ATOX1: variants seen among roughly 807,000 people sequenced by gnomAD.
ATOX1 encodes copper transport protein ATOX1.
Under a neutral mutation model 7.3 loss-of-function variants are expected in ATOX1, and 4 were observed. The observed-to-expected ratio is 0.55, with a 90% confidence interval of 0.27 to 1.25. The LOEUF is 1.25. Among genes scored for constraint, ATOX1 ranks in the 50% most tolerant of loss-of-function variants. The pLI, the probability that ATOX1 is intolerant of heterozygous loss-of-function variation, is 0.12. For missense variants in ATOX1, 68 were observed against 81.6 expected (o/e 0.83, Z 0.64); for synonymous variants, 25 against 28.7 (o/e 0.87, Z 0.41).
At chr5:151,757,544 G>C (rs562400625) in intron 1 of ATOX1, among the ~76,000 whole-genome samples, 1 of 152,348 alleles carries the variant, frequency 6.6e-6, no homozygotes, top group East Asian at 1.9e-4. Context: ...GCTCCCTAAA[G>C]ACAGGATGCA....
At chr5:151,747,296 T>C (rs1302588583) in intron 2 of ATOX1, among the ~76,000 whole-genome samples, 2 of 152,020 alleles carry the variant, frequency 1.3e-5, no homozygotes, top group African/African-American at 2.4e-5. Context: ...TATTTATTTA[T>C]TTATTTAGAG....
intron 1 of ATOX1, 191 bp from the exon 2 acceptor site, chr5:151,751,970 T>A (rs753145473): frequency 1.2e-5 from 7 of 607,066 alleles, no homozygotes; most frequent in Non-Finnish European, 1.8e-5. Context: ...AGTTTCTACC[T>A]CACAAGTTGT....
chr5:151,756,634 G>A lies in ATOX1; in HGVS notation c.6+1912C>T, dbSNP rs139456508. 7.2e-5 allele frequency among the ~76,000 whole-genome samples: 11 copies of A among 152,120 alleles called. No homozygotes were observed. In the East Asian group the frequency reaches 1.7e-3, roughly 24 times the overall value. On this transcript the variant is annotated intron_variant, in intron 1 of 3. Transcript: ENST00000313115. Reference sequence around the variant, plus strand: ...ACTATAGGCACGGGCCACCACGTCTGGCTAATTTTTTGTATTTTTTGTAGA... The same window carrying A: ...ACTATAGGCACGGGCCACCACGTCTAGCTAATTTTTTGTATTTTTTGTAGA...
At chr5:151,752,900 G>A (rs1481266940) in intron 1 of ATOX1, among the ~76,000 whole-genome samples, 7 of 152,038 alleles carry the variant, frequency 4.6e-5, no homozygotes. Flanking sequence ...CTCTGCCTCT[G>A]GTATTTATGC....
Position 151,758,599 on chromosome 5 carries a change from G to C in ATOX1, c.-48C>G, listed in dbSNP as rs1327053957. Reference sequence around the variant, plus strand: ...CGGCGGTGTGGCGGCGGTGTCAGCAGCGCCTCTCTGGATTCGGAGGGCGGG... The same window carrying C: ...CGGCGGTGTGGCGGCGGTGTCAGCACCGCCTCTCTGGATTCGGAGGGCGGG... On this transcript the variant is annotated 5_prime_UTR_variant, in exon 1 of 4. Transcript: ENST00000313115. The C allele has an allele frequency of 2.2e-6, 3 of 1,388,016 alleles. No homozygotes were observed. The highest frequency in any genetic ancestry group is 3.1e-5 in the Admixed American group (1 of 31,774). 86.0% of individuals were successfully genotyped at this position (1,388,016 alleles called of 1,614,324 possible).
chr5:151,743,305 G>A (rs908085911), intron 3 of ATOX1: 2 of 152,192 alleles, frequency 1.3e-5, no homozygotes, highest in Non-Finnish European at 2.9e-5. Context: ...GTTACAGGTT[G>A]GAAAGGCAAT....
At chr5:151,746,581 C>T (rs998871375) in intron 2 of ATOX1, 132 bp from the exon 3 acceptor site, 1 of 1,234,750 alleles carries the variant, frequency 8.1e-7, no homozygotes, top group Non-Finnish European at 1.1e-6. Context: ...GATCGGCAAA[C>T]TTCTTCTGTA....
intron 2 of ATOX1, 120 bp from the exon 3 acceptor site, chr5:151,746,569 G>A: frequency 7.3e-7 from 1 of 1,370,980 alleles, no homozygotes; most frequent in East Asian, 2.3e-5. Flanking sequence ...CTCTAGAGCA[G>A]GGATCGGCAA....
At chr5:151,750,551 T>A (rs1761935200) in intron 2 of ATOX1, among the ~76,000 whole-genome samples, 1 of 149,324 alleles carries the variant, frequency 6.7e-6, no homozygotes, top group Non-Finnish European at 1.5e-5. Flanking sequence ...TGATTCAAAA[T>A]TAATTTAAAT....
chr5:151,744,303 G>A (rs1018603526), intron 3 of ATOX1: 2 of 152,140 alleles, frequency 1.3e-5, no homozygotes, highest in African/African-American at 4.8e-5. Flanking sequence ...TATGCCTAGT[G>A]TTCCATTATT....
intron 2 of ATOX1, among the ~76,000 whole-genome samples, chr5:151,750,430 C>T (rs542060697): frequency 1.4e-5 from 2 of 147,492 alleles, no homozygotes; most frequent in East Asian, 4.0e-4. Context: ...CGCCTGAACC[C>T]AGGAGGCAGA....
chr5:151,749,368 C>T (rs1261275649), intron 2 of ATOX1, among the ~76,000 whole-genome samples: 3 of 151,988 alleles, frequency 2.0e-5, no homozygotes, highest in Non-Finnish European at 4.4e-5. Flanking sequence ...GCCTGTAATC[C>T]CAGATACTCA....
At chr5:151,755,217 G>A (rs1223113159) in intron 1 of ATOX1, among the ~76,000 whole-genome samples, 1 of 152,094 alleles carries the variant, frequency 6.6e-6, no homozygotes, top group Non-Finnish European at 1.5e-5. Context: ...CTGAGCCAAA[G>A]CTTTGAAGGG....
At chr5:151,751,371 C>T (rs1232710076) in intron 2 of ATOX1, among the ~76,000 whole-genome samples, 1 of 151,954 alleles carries the variant, frequency 6.6e-6, no homozygotes, top group Non-Finnish European at 1.5e-5. Context: ...CAGAGCTACT[C>T]CTGGCAGTAC....
At position 151,754,267 on chromosome 5, in the gene ATOX1, G is replaced by C. The variant is rs1458830436; in HGVS notation, c.7-2488C>G. 2.0e-5 allele frequency: 3 copies of C among 152,238 alleles called. No homozygotes were observed. In the East Asian group the frequency reaches 5.8e-4, roughly 29 times the overall value. 9.4% of individuals were successfully genotyped at this position (152,238 alleles called of 1,614,324 possible). A position where few individuals can be genotyped will look rare whatever the true frequency, so the allele number is the denominator to read the frequency against. ...ATCCTCATTTTAACAAGACACCCAAGTCATTCCTCCCCACATTACAGTCTG... is the reference window on the plus strand; with the variant it reads ...ATCCTCATTTTAACAAGACACCCAACTCATTCCTCCCCACATTACAGTCTG... On this transcript the variant is annotated intron_variant, in intron 1 of 3. Coordinates refer to ENST00000313115, the MANE Select transcript of ATOX1 (RefSeq NM_004045.4).
intron 1 of ATOX1, chr5:151,754,052 G>C (rs915325720): frequency 6.6e-6 from 1 of 152,124 alleles, no homozygotes; most frequent in Non-Finnish European, 1.5e-5. Flanking sequence ...AAACATCTCT[G>C]ATTTTTTCAT....
rs1482198342 is a variant in ATOX1 at position 151,747,627 on chromosome 5, C to A, written c.83-1178G>T. On this transcript the variant is annotated intron_variant, in intron 2 of 3. Coordinates refer to ENST00000313115, the MANE Select transcript of ATOX1 (RefSeq NM_004045.4). ...TTTGACACAGAGTCTCGCTGTGTCA[C>A]CCAGGCTGGAGTGCAGTGGCACAAT... is the stretch of plus-strand genomic sequence containing the variant. Among the ~76,000 whole-genome samples, 4 of 144,666 alleles carry A rather than the reference C, an allele frequency of 2.8e-5. No individual in the cohort carries two copies. In the East Asian group the frequency reaches 8.3e-4, roughly 30 times the overall value. The allele number at this position is 144,666 out of a possible 152,430, so 94.9% of individuals were successfully genotyped here.
intron 2 of ATOX1, among the ~76,000 whole-genome samples, chr5:151,749,203 A>G (rs1761913167): frequency 6.6e-6 from 1 of 151,936 alleles, no homozygotes; most frequent in African/African-American, 2.4e-5. Context: ...AAGCATCAAC[A>G]GGCTGGGCAC....
At chr5:151,749,860 C>T (rs1761925359) in intron 2 of ATOX1, among the ~76,000 whole-genome samples, 1 of 152,124 alleles carries the variant, frequency 6.6e-6, no homozygotes, top group African/African-American at 2.4e-5. Flanking sequence ...GTTTACAGGG[C>T]TAGAGGCCAG....
Sources: allele counts gnomAD v4.1 joint callset (sites outside exome capture counted in the v4.1 genomes callset), GRCh38; gene constraint gnomAD v4.1.1; transcripts MANE v1.5; gene names NCBI Gene and HGNC (gene_info 2026-07-23, HGNC 2026-07-21).